FER1L6: variants seen among roughly 807,000 people sequenced by gnomAD.
FER1L6 encodes the protein fer-1 like family member 6.
Under a neutral mutation model 219.2 loss-of-function variants are expected in FER1L6, and 177 were observed. That is an observed-to-expected ratio of 0.81 (90% confidence interval 0.71 to 0.91). The LOEUF (loss-of-function observed/expected upper bound fraction) is 0.91. Among genes scored for constraint, FER1L6 ranks in the 40% least tolerant of loss-of-function variants. FER1L6 has a pLI of 0.00. For missense variants in FER1L6, 2,153 were observed against 2,259.9 expected, an observed-to-expected ratio of 0.95 and a Z score of 0.96; for synonymous variants, 768 against 824.3, an observed-to-expected ratio of 0.93 and a Z score of 1.17.
chr8:124,097,153 C>G (rs1270268392), intron 35 of FER1L6, 118 bp from the exon 36 acceptor site: 1 of 584,940 alleles, frequency 1.7e-6, no homozygotes, highest in South Asian at 3.0e-5. Flanking sequence ...ATAAAACTAC[C>G]AAGCTACACT....
At chr8:123,869,394 G>A (rs1470553985) in intron 1 of FER1L6, among the ~76,000 whole-genome samples, 1 of 152,098 alleles carries the variant, frequency 6.6e-6, no homozygotes, top group Non-Finnish European at 1.5e-5. Flanking sequence ...TTCATCTGGA[G>A]ATCCTTCCAT....
chr8:123,967,241 C>T (rs1815588275), intron 5 of FER1L6, among the ~76,000 whole-genome samples: 1 of 152,158 alleles, frequency 6.6e-6, no homozygotes. Flanking sequence ...GCGTATCCTT[C>T]CAGAGATATT....
intron 1 of FER1L6, among the ~76,000 whole-genome samples, chr8:123,915,072 G>A (rs1813146063): frequency 6.7e-6 from 1 of 149,608 alleles, no homozygotes; most frequent in Non-Finnish European, 1.5e-5. Context: ...TTCCAAACAG[G>A]GCCTTTCCTT....
intron 13 of FER1L6, among the ~76,000 whole-genome samples, chr8:124,009,449 C>T (rs944717247): frequency 9.3e-5 from 14 of 150,866 alleles, no homozygotes; most frequent in African/African-American, 2.4e-4. Context: ...GGGGAGGAGC[C>T]GGTGCTGCAC....
At chr8:124,093,774 C>T (rs181598325) in intron 34 of FER1L6, among the ~76,000 whole-genome samples, 1 of 150,634 alleles carries the variant, frequency 6.6e-6, no homozygotes, top group Admixed American at 6.6e-5. Context: ...TTTTGTGGCC[C>T]CTTTATTTTT....
intron 1 of FER1L6, among the ~76,000 whole-genome samples, chr8:123,904,004 T>C (rs1418533100): frequency 6.6e-6 from 1 of 152,198 alleles, no homozygotes; most frequent in Non-Finnish European, 1.5e-5. Flanking sequence ...CCTCCGAAGC[T>C]GGCAGTGATA....
chr8:123,893,339 A>G (rs1268032934), intron 1 of FER1L6, among the ~76,000 whole-genome samples: 1 of 152,228 alleles, frequency 6.6e-6, no homozygotes, highest in Non-Finnish European at 1.5e-5. Flanking sequence ...TGCTAACCCA[A>G]TATGAAGCAG....
chr8:124,036,544 G>T (rs186738518), intron 19 of FER1L6, among the ~76,000 whole-genome samples: 1 of 152,110 alleles, frequency 6.6e-6, no homozygotes, highest in Non-Finnish European at 1.5e-5. Context: ...GCTAGTAAAT[G>T]ATGGGGAAAA....
rs1726503472 is a variant in FER1L6 at position 124,007,536 on chromosome 8, T to C, written c.1701-3058T>C. Among the ~76,000 whole-genome samples the C allele has an allele frequency of 2.0e-5, 3 of 152,332 alleles. 1 individual carries two copies. In the South Asian group the frequency reaches 6.2e-4, roughly 32 times the overall value. On this transcript the variant is annotated intron_variant, in intron 13 of 40. Transcript: ENST00000522917. ...ACCTCCACACCCACCCACTTCCTTC[T>C]TGGAATTAAAATCTATAAATTAACT...
chr8:124,045,893 G>A lies in FER1L6; in HGVS notation c.2716G>A (p.Asp906Asn), dbSNP rs201385745. The A allele has an allele frequency of 1.4e-5, 23 of 1,613,842 alleles. No individual in the cohort carries two copies. The highest frequency in any genetic ancestry group is 1.3e-4 in the East Asian group (6 of 44,880). ...PLVVVELYDS[D>N]AVGKPEYLGA... ...AGTGGTGGTGGAGCTGTATGACAGCGACGCTGTGGTGAGTGTCCCCCTGGG... is the reference window on the plus strand; with the variant it reads ...AGTGGTGGTGGAGCTGTATGACAGCAACGCTGTGGTGAGTGTCCCCCTGGG... The change falls in exon 21 of 41, where the codon GAC (aspartate) becomes AAC (asparagine). Residue 906 changes from aspartate (D) to asparagine (N), a missense_variant. Transcript: ENST00000522917.
intron 12 of FER1L6, among the ~76,000 whole-genome samples, chr8:123,986,575 C>T (rs570781821): frequency 6.6e-6 from 1 of 152,202 alleles, no homozygotes; most frequent in Admixed American, 6.5e-5. Context: ...TGACTGTACT[C>T]ACCCTGTTGT....
intron 1 of FER1L6, among the ~76,000 whole-genome samples, chr8:123,874,840 A>T (rs1310205504): frequency 6.6e-6 from 1 of 152,152 alleles, no homozygotes; most frequent in Non-Finnish European, 1.5e-5. Flanking sequence ...CCACCTTGGA[A>T]GATTATTTTT....
At position 123,944,852 on chromosome 8, in the gene FER1L6, T is replaced by C. The variant is rs189778330; in HGVS notation, c.-7-11140T>C. ...TGTAAAGTGTTGTATGAATAGGACC[T>C]GTAGGCACAGTTTATCTACTCAGGG... On this transcript the variant is annotated intron_variant, in intron 1 of 40. Transcript: ENST00000522917. Among the ~76,000 whole-genome samples, 1,013 of 152,268 alleles carry C rather than the reference T, an allele frequency of 6.7e-3. 10 individuals are homozygous for C. The highest frequency in any genetic ancestry group is 0.012 in the Non-Finnish European group (793 of 68,022).
chr8:124,030,443 G>A (rs1343700301), intron 18 of FER1L6, among the ~76,000 whole-genome samples: 3 of 152,050 alleles, frequency 2.0e-5, no homozygotes, highest in Non-Finnish European at 2.9e-5. Flanking sequence ...AAAAGTTTAC[G>A]ATCCTCTCCT....
chr8:124,066,654 A>G, intron 27 of FER1L6, 104 bp downstream of exon 27: 2 of 1,266,752 alleles, frequency 1.6e-6, no homozygotes, highest in South Asian at 1.5e-5. Flanking sequence ...GCCACTATAC[A>G]TAGACCCTAC....
At chr8:123,876,325 CTT>C (rs1182104465) in intron 1 of FER1L6, among the ~76,000 whole-genome samples, 1 of 146,382 alleles carries the variant, frequency 6.8e-6, no homozygotes, top group African/African-American at 2.5e-5. Flanking sequence ...TTAAATGTCA[CTT>C]TTTTTTTTTT....
chr8:123,908,028 T>G (rs1038630196), intron 1 of FER1L6, among the ~76,000 whole-genome samples: 2 of 152,136 alleles, frequency 1.3e-5, no homozygotes, highest in African/African-American at 4.8e-5. Context: ...AGAACAAATG[T>G]ATTTCTTTTT....
At chr8:124,107,422 C>T (rs1426557724) in intron 39 of FER1L6, among the ~76,000 whole-genome samples, 12 of 152,142 alleles carry the variant, frequency 7.9e-5, no homozygotes, top group Admixed American at 7.9e-4. Flanking sequence ...ATTTTAATGG[C>T]AAGGGGATCA....
chr8:124,000,463 C>T (rs779731522), intron 12 of FER1L6, among the ~76,000 whole-genome samples: 15 of 152,160 alleles, frequency 9.9e-5, no homozygotes, highest in Non-Finnish European at 2.1e-4. Flanking sequence ...TCTTGCTCCA[C>T]CTCTAGATTT....
Sources: gnomAD v4.1 joint callset for allele counts (sites outside exome capture counted in the v4.1 genomes callset) on GRCh38, gnomAD v4.1.1 for gene constraint, MANE v1.5 for transcripts, NCBI Gene and HGNC (gene_info 2026-07-23, HGNC 2026-07-21) for gene names.